SLC25A23: variants seen among roughly 807,000 people sequenced by gnomAD.
The protein encoded by SLC25A23 is solute carrier family 25 member 23, also known as mitochondrial adenyl nucleotide antiporter SLC25A23.
In SLC25A23, 32 loss-of-function variants were observed where a neutral mutation model predicts 53.9. That is an observed-to-expected ratio of 0.59 (90% CI 0.45 to 0.80). The LOEUF (loss-of-function observed/expected upper bound fraction) is 0.80, where lower values mean the gene tolerates loss of function less well. SLC25A23 is among the 30% of genes least tolerant of loss of function. The pLI, the probability that SLC25A23 is intolerant of heterozygous loss-of-function variation, is 0.00. For synonymous variants in SLC25A23, 275 were observed against 264.5 expected (o/e 1.04, Z -0.38); for missense variants, 575 against 651.4 (o/e 0.88, Z 1.28).
downstream of SLC25A23, chr19:6,436,396 AC>A (rs1259780727): frequency 4.4e-6 from 2 of 456,008 alleles, no homozygotes; most frequent in African/African-American, 4.0e-5. Flanking sequence ...AAGCTCAGTT[AC>A]ATGGCTATTG....
Position 6,454,739 on chromosome 19 carries a change from G to A in SLC25A23, c.484-22C>T, listed in dbSNP as rs748507336. The A allele has an allele frequency of 3.2e-5, 52 of 1,611,970 alleles. No homozygotes were observed. The highest frequency in any genetic ancestry group is 1.7e-4 in the Middle Eastern group (1 of 6,058). On this transcript the variant is annotated intron_variant, in intron 4 of 9. Transcript: ENST00000301454. The surrounding 1 kb of genome is among the most constrained non-coding windows in gnomAD (Gnocchi z 4.3). ...GGACCTAAAGATACAGGTGTTGGGGGTGTCATGCCATGGTGGGGACAGGGA... is the reference window on the plus strand; with the variant it reads ...GGACCTAAAGATACAGGTGTTGGGGATGTCATGCCATGGTGGGGACAGGGA...
intron 3 of SLC25A23, 90 bp downstream of exon 3, chr19:6,457,413 T>C (rs1380121428): frequency 2.5e-6 from 3 of 1,194,900 alleles, no homozygotes; most frequent in African/African-American, 1.5e-5. Context: ...GTATCCTCCT[T>C]GGGACTGGGT....
At chr19:6,449,785 C>T (rs1480909853) in intron 8 of SLC25A23, among the ~76,000 whole-genome samples, 3 of 151,920 alleles carry the variant, frequency 2.0e-5, no homozygotes, top group African/African-American at 7.3e-5. Flanking sequence ...CCTCCCACCT[C>T]GGCCTCCCAA....
Position 6,453,965 on chromosome 19 carries a change from G to T in SLC25A23, c.903+16C>A, listed in dbSNP as rs1192667616. 6.2e-7 allele frequency: 1 copy of T among 1,603,182 alleles called. No homozygotes were observed. The highest frequency in any genetic ancestry group is 8.5e-7 in the Non-Finnish European group (1 of 1,173,578). On this transcript the variant is annotated intron_variant, in intron 7 of 9. Coordinates refer to ENST00000301454, the MANE Select transcript of SLC25A23 (RefSeq NM_024103.3). ...CACCCTGCCATGGGGCCTCCGCTGG[G>T]GTCCCTCCTTCTCACCTCCATAGGG...
At position 6,458,331 on chromosome 19, in the gene SLC25A23, G is replaced by A. The variant is rs759517956; in HGVS notation, c.157-7C>T. ...CACCCTCAGAGGAGATACCCTGACA[G>A]AGGGAAAGGGGATAGAGGTGGCTCC... On this transcript the variant is annotated splice_region_variant and splice_polypyrimidine_tract_variant and intron_variant, in intron 1 of 9. Transcript: ENST00000301454. 1 of 1,611,800 alleles carries A rather than the reference G, an allele frequency of 6.2e-7. No homozygotes were observed.
intron 4 of SLC25A23, chr19:6,456,052 G>A (rs779154926): frequency 1.4e-5 from 19 of 1,324,900 alleles, no homozygotes; most frequent in Admixed American, 6.7e-5. Context: ...CTGTTCAGCC[G>A]TAGAATCTTT....
In SLC25A23 at chr19:6,459,572, C is replaced by G; in HGVS notation, c.57G>C (p.Glu19Asp). 1 of 1,575,664 alleles carries G rather than the reference C, an allele frequency of 6.3e-7. No individual in the cohort carries two copies. Among genetic ancestry groups the G allele is most frequent in the Non-Finnish European group, 8.6e-7 (1 of 1,167,434 alleles). The change falls in exon 1 of 10, where the codon GAG becomes GAC. Residue 19 changes from glutamate to aspartate, a missense_variant. Transcript: ENST00000301454. This position sits in a 1 kb window ranked among gnomAD's most constrained non-coding sequence, Gnocchi z 4.6. ...GGCCATCCTTGTTACTGTCCAGCTC[C>G]TCGAACAGGCGACCCCAGCGCTGCC... Reference protein sequence around the residue: ...ERRQRWGRLFEELDSNKDGRV... With the variant: ...ERRQRWGRLFDELDSNKDGRV...
chr19:6,454,176 G>A lies in SLC25A23; in HGVS notation c.796-88C>T, dbSNP rs1054234690. 9 of 1,516,790 alleles carry A rather than the reference G, an allele frequency of 5.9e-6. No individual in the cohort carries two copies. The highest frequency in any genetic ancestry group is 8.1e-6 in the Non-Finnish European group (9 of 1,116,000). 94.0% of individuals were successfully genotyped at this position (1,516,790 alleles called of 1,614,324 possible). A position where few individuals can be genotyped will look rare whatever the true frequency, so the allele number is the denominator to read the frequency against. ...TGTTCTCCTGGCTTCCAAAGAACTG[G>A]CTTGCTGCAGGCATTCATGCAGAGG... On this transcript the variant is annotated intron_variant, in intron 6 of 9. Transcript: ENST00000301454. The surrounding 1 kb of genome is among the most constrained non-coding windows in gnomAD (Gnocchi z 4.3).
Position 6,459,314 on chromosome 19 carries a change from A to T in SLC25A23, c.156+159T>A, listed in dbSNP as rs1288019242. Among the ~76,000 whole-genome samples the T allele has an allele frequency of 6.6e-6, 1 of 152,116 alleles. No individual in the cohort carries two copies. Among genetic ancestry groups the T allele is most frequent in the Non-Finnish European group, 1.5e-5 (1 of 67,998 alleles). On this transcript the variant is annotated intron_variant, in intron 1 of 9. Coordinates refer to ENST00000301454, the MANE Select transcript of SLC25A23 (RefSeq NM_024103.3). This position sits in a 1 kb window ranked among gnomAD's most constrained non-coding sequence, Gnocchi z 4.6. ...CGTCCCTGTCTTGAGCGATCCCGTT[A>T]GGCCAAACACGAGTGGGTAGGGGGA...
chr19:6,456,572 C>T (rs2092686005), intron 3 of SLC25A23, 41 bp from the exon 4 acceptor site: 3 of 1,544,216 alleles, frequency 1.9e-6, no homozygotes, highest in Non-Finnish European at 2.7e-6. Flanking sequence ...AGGTTCAGTG[C>T]CTGGGGGTGG....
At chr19:6,455,447 G>T (rs529704563) in intron 4 of SLC25A23, among the ~76,000 whole-genome samples, 1 of 151,728 alleles carries the variant, frequency 6.6e-6, no homozygotes, top group African/African-American at 2.4e-5. Flanking sequence ...ATCTCACAGG[G>T]ATCTCCTCCA....
rs752051071 is a variant in SLC25A23 at position 6,459,486 on chromosome 19, G to C, written c.143C>G (p.Pro48Arg). 6.3e-7 allele frequency: 1 copy of C among 1,591,186 alleles called. No individual in the cohort carries two copies. The highest frequency in any genetic ancestry group is 8.5e-7 in the Non-Finnish European group (1 of 1,175,148). ...LARLGGGNPD[P>R]GAQQGISSEG... ...GGGTGGGGGTACCTGTTGGGCGCCGGGGTCTGGGTTGCCCCCGCCCAGCCT... is the reference window on the plus strand; with the variant it reads ...GGGTGGGGGTACCTGTTGGGCGCCGCGGTCTGGGTTGCCCCCGCCCAGCCT... Residue 48 changes from proline to arginine, a missense_variant, in exon 1 of 10, where the codon CCC (proline) becomes CGC (arginine). Physicochemically the swap from Pro to Arg is moderately radical, Grantham distance 103. Coordinates refer to ENST00000301454, the MANE Select transcript of SLC25A23 (RefSeq NM_024103.3). This position sits in a 1 kb window ranked among gnomAD's most constrained non-coding sequence, Gnocchi z 4.6.
Position 6,456,477 on chromosome 19 carries a change from G to A in SLC25A23, c.426C>T (p.Phe142=). ...TIDWQEWRDH[F]LLHSLENVED... is the part of the protein sequence containing the mutation. ...CCACATTTTCCAGCGAATGCAACAG[G>A]AAGTGGTCGCGCCATTCTTGCCAGT... is the stretch of plus-strand genomic sequence containing the variant. Residue 142 remains phenylalanine (F), a synonymous_variant, in exon 4 of 10, where the codon TTC becomes TTT. Coordinates refer to ENST00000301454, the MANE Select transcript of SLC25A23 (RefSeq NM_024103.3). The A allele has an allele frequency of 2.5e-6, 4 of 1,613,872 alleles. No homozygotes were observed. The highest frequency in any genetic ancestry group is 3.4e-6 in the Non-Finnish European group (4 of 1,179,990).
intron 1 of SLC25A23, among the ~76,000 whole-genome samples, chr19:6,458,650 CTT>C (rs1276232174): frequency 1.3e-5 from 2 of 152,194 alleles, no homozygotes; most frequent in African/African-American, 2.4e-5. Flanking sequence ...CCAGCTGTCT[CTT>C]GTTTTTAGTT....
In SLC25A23 at chr19:6,450,222, T is replaced by TC. The variant is rs989309083; in HGVS notation, c.1071+2089dup. ...AGACCCTGTACCCTGCCCTGATCAG[T>TC]CCCCCCCAGACACCTAAGACTTCCA... On this transcript the variant is annotated intron_variant, in intron 8 of 9. Transcript: ENST00000301454. Among the ~76,000 whole-genome samples the TC allele has an allele frequency of 4.1e-4, 62 of 151,354 alleles. No homozygotes were observed. In the Middle Eastern group the frequency reaches 0.01, roughly 25 times the overall value.
At position 6,454,216 on chromosome 19, in the gene SLC25A23, C is replaced by T. The variant is rs1599335176; in HGVS notation, c.795+107G>A. ...TCATGCAGAGGAGCAGATGCCTGAT[C>T]CTGGGGACCTGTGTTCACCACCCAC... On this transcript the variant is annotated intron_variant, in intron 6 of 9. Transcript: ENST00000301454. The surrounding 1 kb of genome is among the most constrained non-coding windows in gnomAD (Gnocchi z 4.3). 11 of 1,520,130 alleles carry T rather than the reference C, an allele frequency of 7.2e-6. No homozygotes were observed. In the East Asian group the frequency reaches 2.5e-4, roughly 34 times the overall value. The allele number at this position is 1,520,130 out of a possible 1,614,324, so 94.2% of individuals were successfully genotyped here.
At chr19:6,439,784 C>T (rs1211118085), downstream of SLC25A23, among the ~76,000 whole-genome samples, 6 of 152,098 alleles carry the variant, frequency 3.9e-5, no homozygotes, top group South Asian at 1.0e-3. Flanking sequence ...GAGCTGAGAC[C>T]GTGCCACTGC....
At chr19:6,443,552 A>G in intron 9 of SLC25A23, 1 of 702,164 alleles carries the variant, frequency 1.4e-6, no homozygotes, top group Non-Finnish European at 2.6e-6. Flanking sequence ...ATACAACCCT[A>G]AATCAATACT....
At chr19:6,453,702 C>T (rs1301969576) in intron 7 of SLC25A23, among the ~76,000 whole-genome samples, 4 of 152,146 alleles carry the variant, frequency 2.6e-5, no homozygotes, top group Non-Finnish European at 5.9e-5. Flanking sequence ...TCCCTGGGAA[C>T]GTGCACCCTA....
Sources: allele counts gnomAD v4.1 joint callset (sites outside exome capture counted in the v4.1 genomes callset), GRCh38; gene constraint gnomAD v4.1.1; non-coding constraint Gnocchi (gnomAD v3.1); transcripts MANE v1.5; gene names NCBI Gene and HGNC (gene_info 2026-07-23, HGNC 2026-07-21).